Variants in NKAIN3 observed in about 807,000 individuals in gnomAD.
The protein encoded by NKAIN3 is sodium/potassium-transporting ATPase subunit beta-1-interacting protein 3.
In NKAIN3, 25 loss-of-function variants were observed where a neutral mutation model predicts 30.2. That is an observed-to-expected ratio of 0.83 (90% CI 0.60 to 1.16). NKAIN3 has a LOEUF of 1.16. Ranked by LOEUF, NKAIN3 falls within the 50% of genes most tolerant of loss-of-function variation. NKAIN3 has a pLI of 0.00. For synonymous variants in NKAIN3, 91 were observed against 89.6 expected, an observed-to-expected ratio of 1.02 and a Z score of -0.09; for missense variants, 225 against 254.1, an observed-to-expected ratio of 0.89 and a Z score of 0.78.
intron 1 of NKAIN3, among the ~76,000 whole-genome samples, chr8:62,525,836 G>T (rs183350185): frequency 6.6e-6 from 1 of 152,172 alleles, no homozygotes; most frequent in Non-Finnish European, 1.5e-5. Flanking sequence ...TGTTGTTAGT[G>T]GTTTTCCTAT....
In NKAIN3 at chr8:62,361,893, C is replaced by G. The variant is rs866942271; in HGVS notation, c.54+112766C>G. 1.8e-4 allele frequency among the ~76,000 whole-genome samples: 28 copies of G among 152,086 alleles called. 1 individual carries two copies. The highest frequency in any genetic ancestry group is 6.3e-3 in the Middle Eastern group (2 of 316). On this transcript the variant is annotated intron_variant, in intron 1 of 6. Transcript: ENST00000623646. ...TCTCCCTATAATGCTCAATGCATTC[C>G]CCTTCATCTTATTAGCTCCTTTTTA...
At chr8:62,584,155 T>G (rs908796583) in intron 2 of NKAIN3, among the ~76,000 whole-genome samples, 3 of 152,158 alleles carry the variant, frequency 2.0e-5, no homozygotes, top group Non-Finnish European at 2.9e-5. Flanking sequence ...GCTTTTTCAT[T>G]GCAAGAGATT....
chr8:62,524,114 G>A (rs990825277), intron 1 of NKAIN3, among the ~76,000 whole-genome samples: 2 of 151,666 alleles, frequency 1.3e-5, no homozygotes, highest in Non-Finnish European at 2.9e-5. Flanking sequence ...TATGTTAATG[G>A]CATTGATAAA....
chr8:62,517,193 T>C (rs568878828), intron 1 of NKAIN3, among the ~76,000 whole-genome samples: 1 of 152,302 alleles, frequency 6.6e-6, no homozygotes, highest in East Asian at 1.9e-4. Flanking sequence ...ATATTTTTCT[T>C]GCATAATCAT....
At chr8:62,676,836 C>G in intron 3 of NKAIN3, among the ~76,000 whole-genome samples, 1 of 151,768 alleles carries the variant, frequency 6.6e-6, no homozygotes, top group African/African-American at 2.4e-5. Flanking sequence ...ACCTCTGGCT[C>G]CTGAGTAACT....
At chr8:62,267,713 A>G (rs1456899000) in intron 1 of NKAIN3, among the ~76,000 whole-genome samples, 2 of 152,182 alleles carry the variant, frequency 1.3e-5, no homozygotes, top group Non-Finnish European at 2.9e-5. Context: ...TATGTTTCCT[A>G]CACCATCAGG....
intron 1 of NKAIN3, among the ~76,000 whole-genome samples, chr8:62,442,934 A>G (rs541629508): frequency 6.6e-6 from 1 of 152,094 alleles, no homozygotes; most frequent in Admixed American, 6.5e-5. Context: ...AGTGAAAAAT[A>G]TATCATACAT....
At chr8:62,893,553 G>C (rs1434716493) in intron 4 of NKAIN3, among the ~76,000 whole-genome samples, 1 of 152,200 alleles carries the variant, frequency 6.6e-6, no homozygotes, top group Admixed American at 6.5e-5. Context: ...AAGGACACCA[G>C]TGTGTTATAT....
chr8:62,292,955 G>C (rs7832173), intron 1 of NKAIN3, among the ~76,000 whole-genome samples: 11,243 of 151,692 alleles, frequency 0.074, 1,343 homozygotes, highest in African/African-American at 0.26. Context: ...TTTTAAACTT[G>C]TCTTCTCACT....
chr8:62,359,787 T>C (rs1816488530), intron 1 of NKAIN3, among the ~76,000 whole-genome samples: 1 of 152,256 alleles, frequency 6.6e-6, no homozygotes, highest in South Asian at 2.1e-4. Flanking sequence ...TAATTGATGA[T>C]GCCACTGCCT....
At position 62,973,514 on chromosome 8, in the gene NKAIN3, G is replaced by A. The variant is rs2130916237; in HGVS notation, c.*8107G>A. ...CCTTAACCCACTTTTTGATGGAGTTGTTTTTTTTCTTGTAAATTTGTTTAA... is the reference window on the plus strand; with the variant it reads ...CCTTAACCCACTTTTTGATGGAGTTATTTTTTTTCTTGTAAATTTGTTTAA... On this transcript the variant is annotated 3_prime_UTR_variant, in exon 7 of 7. Transcript: ENST00000623646. Among the ~76,000 whole-genome samples, 1 of 151,758 alleles carries A rather than the reference G, an allele frequency of 6.6e-6. No individual in the cohort carries two copies. The highest frequency in any genetic ancestry group is 6.6e-5 in the Admixed American group (1 of 15,226).
chr8:62,892,325 C>A (rs1821319100), intron 4 of NKAIN3, among the ~76,000 whole-genome samples: 1 of 152,198 alleles, frequency 6.6e-6, no homozygotes, highest in South Asian at 2.1e-4. Context: ...TCTGCAAAAT[C>A]TCTTTCTAAA....
chr8:62,613,270 G>A (rs1600547), intron 3 of NKAIN3, among the ~76,000 whole-genome samples: 69,596 of 151,932 alleles, frequency 0.46, 18,222 homozygotes, highest in African/African-American at 0.71. Flanking sequence ...CTTCATGTTT[G>A]AAGGATGTTT....
At chr8:62,955,903 A>C (rs1391258344) in intron 6 of NKAIN3, among the ~76,000 whole-genome samples, 1 of 152,254 alleles carries the variant, frequency 6.6e-6, no homozygotes, top group Non-Finnish European at 1.5e-5. Flanking sequence ...AGCTGAATAT[A>C]GCATAAACTA....
chr8:62,709,523 A>G (rs1814647952), intron 3 of NKAIN3, among the ~76,000 whole-genome samples: 1 of 152,198 alleles, frequency 6.6e-6, no homozygotes, highest in African/African-American at 2.4e-5. Context: ...TGTTCATAGT[A>G]GCCTTGAATT....
rs11988546 is a variant in NKAIN3, at chr8:62,320,469, A to G, written c.54+71342A>G. On this transcript the variant is annotated intron_variant, in intron 1 of 6. Transcript: ENST00000623646. ...TTGGCATGTTTTTGCAGTGGCTGGT[A>G]CCGGTTGTTCCTTTCCATGTTTAGT... 8.9e-3 allele frequency among the ~76,000 whole-genome samples: 1,358 copies of G among 152,144 alleles called. 30 individuals carry two copies. The highest frequency in any genetic ancestry group is 0.031 in the African/African-American group (1,282 of 41,480).
chr8:62,855,515 T>G, intron 4 of NKAIN3: 1 of 1,422,470 alleles, frequency 7.0e-7, no homozygotes, highest in Admixed American at 1.7e-5. Flanking sequence ...AGGATTGTAA[T>G]CTGGTGGGTA....
intron 1 of NKAIN3, among the ~76,000 whole-genome samples, chr8:62,328,163 C>G (rs184079988): frequency 6.6e-6 from 1 of 152,158 alleles, no homozygotes; most frequent in East Asian, 1.9e-4. Flanking sequence ...AGTTAAATGA[C>G]ATTTAATGTA....
Position 62,990,473 on chromosome 8 carries a change from G to T in NKAIN3, c.533-8758G>T. 6.4e-6 allele frequency: 4 copies of T among 628,968 alleles called. 1 individual carries two copies. Among genetic ancestry groups the T allele is most frequent in the Non-Finnish European group, 8.5e-6 (4 of 467,974 alleles). 39.0% of individuals were successfully genotyped at this position (628,968 alleles called of 1,614,324 possible). A position where few individuals can be genotyped will look rare whatever the true frequency, so the allele number is the denominator to read the frequency against. On this transcript the variant is annotated intron_variant, in intron 5 of 5. Coordinates refer to the NKAIN3 transcript ENST00000519049. ...AGATTGCCATTGCTTTGTATAAAATGTTATAAATTATCTTAGCATCTTACC... is the reference window on the plus strand; with the variant it reads ...AGATTGCCATTGCTTTGTATAAAATTTTATAAATTATCTTAGCATCTTACC...
Sources: gnomAD v4.1 joint callset for allele counts (sites outside exome capture counted in the v4.1 genomes callset) on GRCh38, gnomAD v4.1.1 for gene constraint, MANE v1.5 for transcripts, NCBI Gene and HGNC (gene_info 2026-07-23, HGNC 2026-07-21) for gene names.